Variants in CDK16 observed in about 807,000 individuals in gnomAD.
CDK16 encodes the protein cyclin-dependent kinase 16.
In CDK16, 2 loss-of-function variants were observed where a neutral mutation model predicts 41.6. The ratio of observed to expected loss-of-function variants is 0.05; its 90% CI spans 0.02 to 0.15. The LOEUF is 0.15. Among genes scored for constraint, CDK16 ranks in the 10% least tolerant of loss-of-function variants. CDK16 has a pLI of 1.00. For synonymous variants in CDK16, 169 were observed against 169.7 expected, an observed-to-expected ratio of 1.00 and a Z score of 0.03; for missense variants, 228 against 428.9, an observed-to-expected ratio of 0.53 and a Z score of 4.14.
intron 14 of CDK16, 125 bp from the exon 15 acceptor site, chrX:47,228,442 C>T: frequency 2.0e-6 from 1 of 501,491 alleles, no homozygotes; most frequent in Non-Finnish European, 3.5e-6. Context: ...AATTGTTTGA[C>T]AGATAAAGGT....
chrX:47,218,542 A>G, upstream of CDK16: 1 of 1,078,517 alleles, frequency 9.3e-7, no homozygotes, highest in Non-Finnish European at 1.2e-6. Flanking sequence ...GGAACTGAGT[A>G]CTAAACAGCC....
chrX:47,226,120 T>C (rs745633025), intron 8 of CDK16, 93 bp downstream of exon 8: 4 of 1,114,417 alleles, frequency 3.6e-6, no homozygotes, highest in Admixed American at 5.1e-5. Flanking sequence ...TCCCTTTGGC[T>C]TTTTTTGCTA....
chrX:47,219,821 G>A (rs1937258658), intron 1 of CDK16, among the ~76,000 whole-genome samples: 1 of 110,996 alleles, frequency 9.0e-6, no homozygotes, highest in Non-Finnish European at 1.9e-5. Context: ...GAGGGTGTAT[G>A]CCTGTGGCCT....
chrX:47,228,793 C>T lies in CDK16; in HGVS notation c.*25C>T. ...AGCCACAGACCGAGGCCCCAGCAGG[C>T]AGCGGCTGGAGGGATGCCACACCCC... On this transcript the variant is annotated 3_prime_UTR_variant, in exon 16 of 16. Coordinates refer to ENST00000357227, the MANE Select transcript of CDK16 (RefSeq NM_006201.5). 1 of 1,201,049 alleles carries T rather than the reference C, an allele frequency of 8.3e-7. No individual in the cohort carries two copies. Among genetic ancestry groups the T allele is most frequent in the Non-Finnish European group, 1.1e-6 (1 of 887,568 alleles).
At position 47,218,821 on chromosome X, in the gene CDK16, C is replaced by T. The variant is rs1324943515; in HGVS notation, c.-291C>T. 2 of 1,141,437 alleles carry T rather than the reference C, an allele frequency of 1.8e-6. No homozygotes were observed. Among genetic ancestry groups the T allele is most frequent in the Admixed American group, 2.6e-5 (1 of 38,005 alleles). The allele number at this position is 1,141,437 out of a possible 1,213,427, so 94.1% of individuals were successfully genotyped here. A position where few individuals can be genotyped will look rare whatever the true frequency, so the allele number is the denominator to read the frequency against. ...TGTGCCGCGAGCCGCCGTGAGCACT[C>T]GGATTCAAGCCGGCGCCAACGAGTC... On this transcript the variant is annotated 5_prime_UTR_variant, in exon 1 of 16. Transcript: ENST00000357227.
chrX:47,221,258 CTTT>C (rs1937325969), intron 1 of CDK16, among the ~76,000 whole-genome samples: 1 of 111,072 alleles, frequency 9.0e-6, no homozygotes, highest in Non-Finnish European at 1.9e-5. Context: ...GGACATGTGC[CTTT>C]TTTGGGGTAA....
rs781924240 is a variant in CDK16 at position 47,218,683 on chromosome X, A to T, written c.-429A>T. On this transcript the variant is annotated 5_prime_UTR_variant, in exon 1 of 16. Transcript: ENST00000357227. Reference sequence around the variant, plus strand: ...GTCCGAGGTGAGTCCCCTCCTTTCCACTTCACCCTTCCGAGCGCCTGCGTG... The same window carrying T: ...GTCCGAGGTGAGTCCCCTCCTTTCCTCTTCACCCTTCCGAGCGCCTGCGTG... 1 of 1,164,411 alleles carries T rather than the reference A, an allele frequency of 8.6e-7. No homozygotes were observed. The highest frequency in any genetic ancestry group is 2.3e-4 in the Middle Eastern group (1 of 4,288).
rs887593560 is a variant in CDK16, at chrX:47,229,570, G to T, written c.*802G>T. Reference sequence around the variant, plus strand: ...GAGACTCTGGGAAATGGACAAGGTGGGGGGCCCCACTCTTTCTCTCCTGCA... The same window carrying T: ...GAGACTCTGGGAAATGGACAAGGTGTGGGGCCCCACTCTTTCTCTCCTGCA... On this transcript the variant is annotated 3_prime_UTR_variant, in exon 16 of 16. Transcript: ENST00000357227. 6.0e-5 allele frequency: 13 copies of T among 217,805 alleles called. 1 individual carries two copies. The Middle Eastern group carries it at 4.5e-3, about 76-fold the overall frequency. The allele number at this position is 217,805 out of a possible 1,213,427, so 17.9% of individuals were successfully genotyped here. A position where few individuals can be genotyped will look rare whatever the true frequency, so the allele number is the denominator to read the frequency against.
chrX:47,223,496 T>C, intron 1 of CDK16, 56 bp from the exon 2 acceptor site: 1 of 1,132,554 alleles, frequency 8.8e-7, no homozygotes. Flanking sequence ...AGGGAACCCA[T>C]GGTGATCAAG....
chrX:47,226,180 T>A, intron 8 of CDK16, 99 bp from the exon 9 acceptor site: 1 of 1,154,164 alleles, frequency 8.7e-7, no homozygotes, highest in Non-Finnish European at 1.2e-6. Flanking sequence ...GTGACAAGGC[T>A]CTGGGCCTAG....
chrX:47,218,942 A>C lies in CDK16; in HGVS notation c.-170A>C. ...CCGCCGCCGCCGCCTCCTCCTCCTC[A>C]GCCGGCGGCGGCCCGGGCCCAGCAA... On this transcript the variant is annotated 5_prime_UTR_variant, in exon 1 of 16. Transcript: ENST00000357227. The C allele has an allele frequency of 2.0e-6, 2 of 988,586 alleles. No homozygotes were observed. Among genetic ancestry groups the C allele is most frequent in the Non-Finnish European group, 2.5e-6 (2 of 785,884 alleles). 81.5% of individuals were successfully genotyped at this position (988,586 alleles called of 1,213,427 possible).
intron 1 of CDK16, among the ~76,000 whole-genome samples, chrX:47,221,129 G>A (rs1239200390): frequency 9.0e-6 from 1 of 111,050 alleles, no homozygotes; most frequent in Non-Finnish European, 1.9e-5. Context: ...TGTATTAATG[G>A]GGATCAGGAC....
chrX:47,224,539 G>A (rs376403487), intron 3 of CDK16, 21 bp downstream of exon 3: 51 of 1,204,210 alleles, frequency 4.2e-5, no homozygotes, highest in Non-Finnish European at 5.2e-5. Context: ...CCGTCTGGAT[G>A]GTGGAGGAAC....
chrX:47,222,929 G>A, intron 1 of CDK16: 1 of 670,282 alleles, frequency 1.5e-6, no homozygotes, highest in South Asian at 2.8e-5. Context: ...GGTTGGGTCT[G>A]GGCAGGACAC....
chrX:47,228,721 T>TC lies in CDK16; in HGVS notation c.1454-5dup. 1 of 1,209,320 alleles carries TC rather than the reference T, an allele frequency of 8.3e-7. No individual in the cohort carries two copies. The highest frequency in any genetic ancestry group is 1.1e-6 in the Non-Finnish European group (1 of 893,977). ...CCACCAACAGCCATCTGCTCTGCTT[T>TC]CCCCCACAGGCAGGCCAGCTTTCCG... On this transcript the variant is annotated splice_polypyrimidine_tract_variant and intron_variant, in intron 15 of 15. Coordinates refer to ENST00000357227, the MANE Select transcript of CDK16 (RefSeq NM_006201.5).
At chrX:47,222,860 C>T (rs906137559) in intron 1 of CDK16, 11 of 332,387 alleles carry the variant, frequency 3.3e-5, no homozygotes, top group South Asian at 2.3e-4. Flanking sequence ...GTTCTGGCAG[C>T]CCTGAGAAGA....
intron 8 of CDK16, 67 bp from the exon 9 acceptor site, chrX:47,226,212 C>T (rs1370864946): frequency 8.4e-7 from 1 of 1,191,412 alleles, no homozygotes; most frequent in African/African-American, 1.8e-5. Flanking sequence ...GGGAGGGGAG[C>T]AGTGCCTGCT....
chrX:47,223,053 G>A (rs1199185168), intron 1 of CDK16: 117 of 1,144,686 alleles, frequency 1.0e-4, no homozygotes, highest in Middle Eastern at 2.3e-4. Context: ...GTGGCCACAG[G>A]GAATAGTCTG....
chrX:47,222,830 G>A lies in CDK16; in HGVS notation c.-6-722G>A, dbSNP rs1311500195. On this transcript the variant is annotated intron_variant, in intron 1 of 15. Transcript: ENST00000357227. ...GTAAAAGTCTAGATTGGACCCTAGG[G>A]GTCCTAACCTGATCAAACCGTTCTG... 7.9e-6 allele frequency: 3 copies of A among 380,527 alleles called. No individual in the cohort carries two copies. In the East Asian group the frequency reaches 1.3e-4, roughly 16 times the overall value. The allele number at this position is 380,527 out of a possible 1,213,427, so 31.4% of individuals were successfully genotyped here.
Sources: allele counts gnomAD v4.1 joint callset (sites outside exome capture counted in the v4.1 genomes callset), GRCh38; gene constraint gnomAD v4.1.1; transcripts MANE v1.5; gene names NCBI Gene and HGNC (gene_info 2026-07-23, HGNC 2026-07-21).